CHIC1: variants seen among roughly 807,000 people sequenced by gnomAD.
The protein encoded by CHIC1 is cysteine rich hydrophobic domain 1, also known as cysteine-rich hydrophobic domain-containing protein 1.
In CHIC1, 7 loss-of-function variants were observed where a neutral mutation model predicts 18.5. That is an observed-to-expected ratio of 0.38 (90% CI 0.22 to 0.71). The LOEUF is 0.71. Ranked by LOEUF, CHIC1 falls within the 30% of genes least tolerant of loss-of-function variation. The pLI is 0.49. For synonymous variants in CHIC1, 77 were observed against 73.5 expected (o/e 1.05, Z -0.25); for missense variants, 159 against 176.9 (o/e 0.90, Z 0.57).
rs1477566716 is a variant in CHIC1 at position 73,684,819 on chromosome X, A to G, written c.*3814A>G. Reference sequence around the variant, plus strand: ...TGTAGTATGTGGACTAAAACAATTGATATATATCTGTATGTAAAAATGAAT... The same window carrying G: ...TGTAGTATGTGGACTAAAACAATTGGTATATATCTGTATGTAAAAATGAAT... On this transcript the variant is annotated 3_prime_UTR_variant, in exon 6 of 6. Transcript: ENST00000373502. The G allele has an allele frequency of 9.0e-6, 1 of 111,483 alleles. No homozygotes were observed. Among genetic ancestry groups the G allele is most frequent in the East Asian group, 2.8e-4 (1 of 3,548 alleles). The allele number at this position is 111,483 out of a possible 1,213,427, so 9.2% of individuals were successfully genotyped here.
intron 3 of CHIC1, among the ~76,000 whole-genome samples, chrX:73,618,729 C>G (rs2057744925): frequency 8.9e-6 from 1 of 112,355 alleles, no homozygotes; most frequent in Admixed American, 9.4e-5. Context: ...GCAGGGCTTT[C>G]AGGTTTTATT....
In CHIC1 at chrX:73,567,733, T is replaced by C. The variant is rs772482172; in HGVS notation, c.296+4153T>C. Among the ~76,000 whole-genome samples, 3 of 110,751 alleles carry C rather than the reference T, an allele frequency of 2.7e-5. No homozygotes were observed. The South Asian group carries it at 1.2e-3, about 43-fold the overall frequency. ...TAACAGAGCATACAGAAATGGACCC[T>C]GTGTATCTATCAGCCTAAACTTTTG... On this transcript the variant is annotated intron_variant, in intron 1 of 5. Transcript: ENST00000373502.
chrX:73,677,685 C>T (rs1477182335), intron 3 of CHIC1, among the ~76,000 whole-genome samples: 1 of 112,583 alleles, frequency 8.9e-6, no homozygotes, highest in East Asian at 2.8e-4. Context: ...CCTTGTGCTT[C>T]CCGAGTGAGG....
chrX:73,643,603 T>C (rs1159477174), intron 3 of CHIC1, among the ~76,000 whole-genome samples: 6 of 111,839 alleles, frequency 5.4e-5, no homozygotes, highest in Non-Finnish European at 1.1e-4. Context: ...CCCTTCTCGC[T>C]TCATTTCATT....
intron 3 of CHIC1, among the ~76,000 whole-genome samples, chrX:73,650,356 G>C (rs1484991894): frequency 1.8e-5 from 2 of 110,758 alleles, no homozygotes; most frequent in Non-Finnish European, 3.8e-5. Context: ...GAAGGAGATA[G>C]AGACACAAAA....
intron 3 of CHIC1, among the ~76,000 whole-genome samples, chrX:73,653,393 C>G (rs1474098175): frequency 8.9e-6 from 1 of 111,902 alleles, no homozygotes; most frequent in Non-Finnish European, 1.9e-5. Flanking sequence ...GGATTTACTT[C>G]AGGGTCTTCT....
At chrX:73,673,015 A>C (rs898382143) in intron 3 of CHIC1, among the ~76,000 whole-genome samples, 1 of 111,878 alleles carries the variant, frequency 8.9e-6, no homozygotes, top group Non-Finnish European at 1.9e-5. Context: ...CCATTTATTA[A>C]ATAGGAAATC....
intron 1 of CHIC1, among the ~76,000 whole-genome samples, chrX:73,564,334 A>G (rs183979719): frequency 2.7e-5 from 3 of 112,137 alleles, no homozygotes; most frequent in African/African-American, 9.7e-5. Flanking sequence ...GGGATTTTGT[A>G]TGCCCAAGTA....
At chrX:73,644,181 G>A (rs946481600) in intron 3 of CHIC1, among the ~76,000 whole-genome samples, 2 of 112,009 alleles carry the variant, frequency 1.8e-5, no homozygotes, top group Non-Finnish European at 3.8e-5. Flanking sequence ...GCAGAACAGC[G>A]GTGGCTGTAG....
chrX:73,653,214 G>A (rs2057926132), intron 3 of CHIC1, among the ~76,000 whole-genome samples: 1 of 110,154 alleles, frequency 9.1e-6, no homozygotes, highest in Admixed American at 9.7e-5. Flanking sequence ...CACACTCTGG[G>A]GTCTGTTGGG....
intron 3 of CHIC1, among the ~76,000 whole-genome samples, chrX:73,628,351 T>C (rs187316855): frequency 2.2e-3 from 241 of 111,961 alleles, no homozygotes; most frequent in African/African-American, 7.5e-3. Context: ...ATTTCAGCAC[T>C]AGGACTCACC....
At chrX:73,584,609 C>G (rs757114539) in intron 3 of CHIC1, 37 bp downstream of exon 3, 2 of 1,015,612 alleles carry the variant, frequency 2.0e-6, no homozygotes, top group African/African-American at 3.8e-5. Context: ...ATAATAATAA[C>G]TAACATTTAT....
intron 3 of CHIC1, among the ~76,000 whole-genome samples, chrX:73,591,966 T>C (rs749948898): frequency 7.3e-4 from 82 of 111,626 alleles, no homozygotes; most frequent in Non-Finnish European, 1.4e-3. Flanking sequence ...TTAAATACTG[T>C]GTTGACTATT....
At chrX:73,616,086 C>A (rs761434950) in intron 3 of CHIC1, among the ~76,000 whole-genome samples, 1 of 110,513 alleles carries the variant, frequency 9.0e-6, no homozygotes, top group Admixed American at 9.6e-5. Flanking sequence ...CCCCCCTCCC[C>A]CCAGGCAGGA....
chrX:73,680,921 AT>A, intron 5 of CHIC1, 33 bp from the exon 6 acceptor site: 1 of 775,037 alleles, frequency 1.3e-6, no homozygotes, highest in Non-Finnish European at 1.9e-6. Context: ...AATGAAAAAT[AT>A]TTTGTAAATA....
chrX:73,598,122 T>C (rs1008337968), intron 3 of CHIC1, among the ~76,000 whole-genome samples: 3 of 111,095 alleles, frequency 2.7e-5, no homozygotes, highest in African/African-American at 6.5e-5. Context: ...TTGCAAACCA[T>C]TGGGTATATG....
intron 3 of CHIC1, among the ~76,000 whole-genome samples, chrX:73,639,007 G>A (rs1293731424): frequency 2.7e-5 from 3 of 111,589 alleles, no homozygotes; most frequent in Non-Finnish European, 5.7e-5. Flanking sequence ...GTATCTTTAT[G>A]GTAGAACAAT....
At chrX:73,662,633 T>A in intron 3 of CHIC1, among the ~76,000 whole-genome samples, 1 of 108,578 alleles carries the variant, frequency 9.2e-6, no homozygotes, top group Non-Finnish European at 1.9e-5. Context: ...TATCGCCTAG[T>A]AATTTCTGAT....
At chrX:73,578,621 A>G (rs1365726432) in intron 2 of CHIC1, 2 of 110,348 alleles carry the variant, frequency 1.8e-5, no homozygotes, top group East Asian at 2.8e-4. Context: ...GTTGGTGAGA[A>G]AAGCAAAATG....
Sources: gnomAD v4.1 joint callset for allele counts (sites outside exome capture counted in the v4.1 genomes callset) on GRCh38, gnomAD v4.1.1 for gene constraint, MANE v1.5 for transcripts, NCBI Gene and HGNC (gene_info 2026-07-23, HGNC 2026-07-21) for gene names.